PTPRM: variants seen among roughly 807,000 people sequenced by gnomAD.
PTPRM encodes receptor-type tyrosine-protein phosphatase mu.
Under a neutral mutation model 186.7 loss-of-function variants are expected in PTPRM, and 47 were observed. The ratio of observed to expected loss-of-function variants is 0.25; its 90% CI spans 0.20 to 0.32. The LOEUF is 0.32. PTPRM is among the 10% of genes least tolerant of loss of function. The pLI is 1.00. For missense variants in PTPRM, 1,494 were observed against 1,865.0 expected, an observed-to-expected ratio of 0.80 and a Z score of 3.66; for synonymous variants, 668 against 674.9, an observed-to-expected ratio of 0.99 and a Z score of 0.16.
intron 19 of PTPRM, among the ~76,000 whole-genome samples, chr18:8,282,534 C>T (rs927848632): frequency 8.5e-5 from 13 of 152,110 alleles, no homozygotes; most frequent in Non-Finnish European, 1.8e-4. Flanking sequence ...TGGTGGTGGC[C>T]GCCTGTAATC....
chr18:7,777,335 T>TA (rs927601631), intron 2 of PTPRM, among the ~76,000 whole-genome samples: 27 of 151,024 alleles, frequency 1.8e-4, no homozygotes, highest in African/African-American at 4.1e-4. Flanking sequence ...TTTTAATAGT[T>TA]AAAAAAAAAG....
At chr18:7,664,392 C>T (rs1350158026) in intron 1 of PTPRM, among the ~76,000 whole-genome samples, 3 of 152,182 alleles carry the variant, frequency 2.0e-5, no homozygotes, top group Non-Finnish European at 4.4e-5. Context: ...AGACTGTGAC[C>T]ACAGAGCATT....
intron 14 of PTPRM, among the ~76,000 whole-genome samples, chr18:8,203,974 G>T (rs1224343913): frequency 6.6e-6 from 1 of 152,188 alleles, no homozygotes; most frequent in Non-Finnish European, 1.5e-5. Context: ...AGTACACCCA[G>T]CGACCTCCAG....
intron 14 of PTPRM, among the ~76,000 whole-genome samples, chr18:8,240,780 GA>G (rs2094420986): frequency 1.2e-4 from 3 of 25,606 alleles, no homozygotes; most frequent in South Asian, 1.2e-3. Flanking sequence ...GAGAGAGGGA[GA>G]GAGAGAGAGA....
intron 2 of PTPRM, among the ~76,000 whole-genome samples, chr18:7,779,218 A>G (rs1167901374): frequency 6.6e-6 from 1 of 152,206 alleles, no homozygotes; most frequent in African/African-American, 2.4e-5. Flanking sequence ...GAAAGGCTGT[A>G]ATTAAGTGAA....
chr18:7,687,173 T>A (rs2039621617), intron 1 of PTPRM, among the ~76,000 whole-genome samples: 1 of 152,172 alleles, frequency 6.6e-6, no homozygotes, highest in African/African-American at 2.4e-5. Context: ...TTTTAAATAT[T>A]GATAATGTAA....
At chr18:7,765,700 T>TATA (rs2041984729) in intron 1 of PTPRM, among the ~76,000 whole-genome samples, 2 of 152,314 alleles carry the variant, frequency 1.3e-5, no homozygotes, top group East Asian at 3.9e-4. Context: ...AAATAGAACA[T>TATA]ATAACATTAA....
At position 8,313,350 on chromosome 18, in the gene PTPRM, T is replaced by C. The variant is rs142801505; in HGVS notation, c.2843-1431T>C. Among the ~76,000 whole-genome samples, 436 of 152,316 alleles carry C rather than the reference T, an allele frequency of 2.9e-3. 3 individuals carry two copies. Among genetic ancestry groups the C allele is most frequent in the African/African-American group, 7.6e-3 (316 of 41,574 alleles). ...TGAATACTGAGTTTTAGCATACACTTTAATTGGAAGGAAGGGTCCCTCTGC... is the reference window on the plus strand; with the variant it reads ...TGAATACTGAGTTTTAGCATACACTCTAATTGGAAGGAAGGGTCCCTCTGC... On this transcript the variant is annotated intron_variant, in intron 20 of 32. Coordinates refer to ENST00000580170, the MANE Select transcript of PTPRM (RefSeq NM_001105244.2).
intron 2 of PTPRM, among the ~76,000 whole-genome samples, chr18:7,817,816 C>T (rs775867684): frequency 5.3e-5 from 8 of 152,226 alleles, no homozygotes; most frequent in Non-Finnish European, 1.2e-4. Flanking sequence ...GGCAGCCTGT[C>T]GTGTTCCTGT....
intron 7 of PTPRM, among the ~76,000 whole-genome samples, chr18:8,061,574 A>C (rs1376679813): frequency 3.9e-4 from 37 of 93,708 alleles, no homozygotes; most frequent in African/African-American, 1.6e-3. Context: ...ACATTTTGGC[A>C]TGATTTTGCA....
chr18:8,364,208 A>C (rs1438630959), intron 23 of PTPRM, among the ~76,000 whole-genome samples: 1 of 152,202 alleles, frequency 6.6e-6, no homozygotes, highest in Non-Finnish European at 1.5e-5. Flanking sequence ...GTACTTAATC[A>C]GCAACTTTAT....
At chr18:8,289,708 T>C (rs184505925) in intron 19 of PTPRM, among the ~76,000 whole-genome samples, 1 of 150,852 alleles carries the variant, frequency 6.6e-6, no homozygotes, top group Non-Finnish European at 1.5e-5. Flanking sequence ...AGGAAGATAA[T>C]TGTACGATAA....
chr18:8,077,899 T>C (rs1438505666), intron 9 of PTPRM, among the ~76,000 whole-genome samples: 1 of 152,190 alleles, frequency 6.6e-6, no homozygotes. Flanking sequence ...CACTTTAACA[T>C]GAAAACAATG....
Position 7,955,103 on chromosome 18 carries a change from T to C in PTPRM, c.839-18T>C. On this transcript the variant is annotated intron_variant, in intron 6 of 32. Transcript: ENST00000580170. The stretch of plus-strand genomic sequence containing the variant: ...AAGACAAAGCATCTGAAAGACAGCT[T>C]TCTGGTTTGTCTTTCAGAACCACCC... 6.3e-7 allele frequency: 1 copy of C among 1,576,746 alleles called. No individual in the cohort carries two copies.
chr18:7,790,949 G>T (rs2043313185), intron 2 of PTPRM, among the ~76,000 whole-genome samples: 1 of 151,562 alleles, frequency 6.6e-6, no homozygotes, highest in Non-Finnish European at 1.5e-5. Context: ...CACCAAACAT[G>T]AATCAATAAA....
At chr18:7,897,690 G>A (rs535068823) in intron 3 of PTPRM, among the ~76,000 whole-genome samples, 17 of 152,226 alleles carry the variant, frequency 1.1e-4, no homozygotes, top group South Asian at 2.1e-4. Context: ...CTTATGTGAT[G>A]ATAAAGGATA....
intron 19 of PTPRM, among the ~76,000 whole-genome samples, chr18:8,290,044 G>A (rs993501582): frequency 6.6e-6 from 1 of 152,106 alleles, no homozygotes; most frequent in Admixed American, 6.5e-5. Flanking sequence ...TCTGCCTTGT[G>A]GCCCATCAGG....
rs375401878 is a variant in PTPRM at position 7,812,512 on chromosome 18, G to A, written c.196+38241G>A. ...CTCCATGGGTTTAAGCACAGGAGGGGCATGAGCTGCTCCAGGAATCTCCTG... is the reference window on the plus strand; with the variant it reads ...CTCCATGGGTTTAAGCACAGGAGGGACATGAGCTGCTCCAGGAATCTCCTG... On this transcript the variant is annotated intron_variant, in intron 2 of 32. Transcript: ENST00000580170. 1.1e-3 allele frequency among the ~76,000 whole-genome samples: 162 copies of A among 152,290 alleles called. 1 individual carries two copies. The highest frequency in any genetic ancestry group is 3.7e-3 in the African/African-American group (152 of 41,566).
chr18:8,158,993 C>T (rs2093176735), intron 14 of PTPRM, among the ~76,000 whole-genome samples: 1 of 152,122 alleles, frequency 6.6e-6, no homozygotes, highest in Admixed American at 6.5e-5. Flanking sequence ...ATGTGGGGGA[C>T]AAAGATCCTG....
Sources: allele counts gnomAD v4.1 joint callset (sites outside exome capture counted in the v4.1 genomes callset), GRCh38; gene constraint gnomAD v4.1.1; transcripts MANE v1.5; gene names NCBI Gene and HGNC (gene_info 2026-07-23, HGNC 2026-07-21).